The following BCL11A variants were observed in gnomAD, a reference collection of about 807,000 sequenced individuals.
The protein encoded by BCL11A is B cell CLL/lymphoma 11A.
BCL11A carries 2 observed loss-of-function variants against 55.9 expected under a neutral mutation model. The ratio of observed to expected loss-of-function variants is 0.04; its 90% CI spans 0.01 to 0.11. BCL11A has a LOEUF of 0.11. Among genes scored for constraint, BCL11A ranks in the 10% least tolerant of loss-of-function variants. The pLI is 1.00. For synonymous variants in BCL11A, 465 were observed against 473.4 expected (o/e 0.98, Z 0.23); for missense variants, 817 against 1,137.1 (o/e 0.72, Z 4.05).
intron 2 of BCL11A, among the ~76,000 whole-genome samples, chr2:60,477,612 G>T (rs546460267): frequency 3.3e-5 from 5 of 152,008 alleles, no homozygotes; most frequent in Non-Finnish European, 7.4e-5. Context: ...AATAAAGAAA[G>T]AAAGAAAGAA....
At chr2:60,531,898 G>A (rs1669473283) in intron 2 of BCL11A, among the ~76,000 whole-genome samples, 1 of 152,124 alleles carries the variant, frequency 6.6e-6, no homozygotes, top group African/African-American at 2.4e-5. Flanking sequence ...GACCCAGTGG[G>A]AAATAAGCCC....
intron 2 of BCL11A, among the ~76,000 whole-genome samples, chr2:60,510,425 C>G (rs926835420): frequency 6.6e-6 from 1 of 152,198 alleles, no homozygotes; most frequent in Non-Finnish European, 1.5e-5. Context: ...CCAACTTCCT[C>G]ACCTCTTTGG....
rs1209213676 is a variant in BCL11A, at chr2:60,459,638, A to G, written c.*766T>C. The stretch of plus-strand genomic sequence containing the variant: ...TGAATTAAGCTACAAGTTTATAACA[A>G]GTAGAAAGAACCATCGATGTGGTTT... On this transcript the variant is annotated 3_prime_UTR_variant, in exon 4 of 4. Coordinates refer to ENST00000642384, the MANE Select transcript of BCL11A (RefSeq NM_022893.4). 4 of 1,031,782 alleles carry G rather than the reference A, an allele frequency of 3.9e-6. No individual in the cohort carries two copies. The East Asian group carries it at 2.5e-4, about 63-fold the overall frequency. The allele number at this position is 1,031,782 out of a possible 1,614,324, so 63.9% of individuals were successfully genotyped here. A position where few individuals can be genotyped will look rare whatever the true frequency, so the allele number is the denominator to read the frequency against.
chr2:60,532,585 GA>G (rs993267056), intron 2 of BCL11A, among the ~76,000 whole-genome samples: 13 of 151,854 alleles, frequency 8.6e-5, no homozygotes, highest in African/African-American at 2.7e-4. Context: ...AAAAAGGAAA[GA>G]AAAAAAGAAA....
At chr2:60,469,280 T>C in intron 2 of BCL11A, among the ~76,000 whole-genome samples, 1 of 152,152 alleles carries the variant, frequency 6.6e-6, no homozygotes, top group East Asian at 1.9e-4. Flanking sequence ...AAAATGCTGA[T>C]AGGAAATGAG....
At chr2:60,538,601 G>C (rs1669772624) in intron 2 of BCL11A, 1 of 152,084 alleles carries the variant, frequency 6.6e-6, no homozygotes. Flanking sequence ...AAGCAATGTG[G>C]ACTCAAAAAT....
At chr2:60,484,466 C>A (rs559888374) in intron 2 of BCL11A, 2 of 152,318 alleles carry the variant, frequency 1.3e-5, no homozygotes, top group African/African-American at 4.8e-5. Context: ...TCAAAAACAG[C>A]CACATTCACC....
At chr2:60,490,815 A>G (rs760555698) in intron 2 of BCL11A, among the ~76,000 whole-genome samples, 8 of 152,220 alleles carry the variant, frequency 5.3e-5, no homozygotes, top group Non-Finnish European at 8.8e-5. Context: ...TAGCATATAA[A>G]TGACTGATTT....
chr2:60,486,303 T>C lies in BCL11A; in HGVS notation c.386-17470A>G, dbSNP rs1678271291. ...AGTGAGACACCAATCACAGCTCTAC[T>C]GGCCCACCTTGCCCCACCTCCAATT... On this transcript the variant is annotated intron_variant, in intron 2 of 3. Coordinates refer to ENST00000642384, the MANE Select transcript of BCL11A (RefSeq NM_022893.4). 2.6e-5 allele frequency among the ~76,000 whole-genome samples: 4 copies of C among 152,234 alleles called. No homozygotes were observed. The South Asian group carries it at 8.3e-4, about 32-fold the overall frequency.
chr2:60,539,798 G>A (rs1053062304), intron 2 of BCL11A, among the ~76,000 whole-genome samples: 3 of 152,092 alleles, frequency 2.0e-5, no homozygotes, highest in Admixed American at 2.0e-4. Context: ...CAATAATATG[G>A]TTCGTGCTCA....
chr2:60,460,168 GAAAAAA>G lies in BCL11A; in HGVS notation c.*230_*235del, dbSNP rs35238724. 9.2e-7 allele frequency: 1 copy of G among 1,088,230 alleles called. No individual in the cohort carries two copies. The highest frequency in any genetic ancestry group is 2.1e-5 in the African/African-American group (1 of 47,128). The allele number at this position is 1,088,230 out of a possible 1,614,324, so 67.4% of individuals were successfully genotyped here. ...GCATTCAAACGGTGAGAACATAAAG[GAAAAAA>G]AAAAAAAAGGAAAAAGAAAAAAGAA... On this transcript the variant is annotated 3_prime_UTR_variant, in exon 4 of 4. Coordinates refer to ENST00000642384, the MANE Select transcript of BCL11A (RefSeq NM_022893.4).
At chr2:60,521,909 A>C (rs1006016471) in intron 2 of BCL11A, among the ~76,000 whole-genome samples, 3 of 152,210 alleles carry the variant, frequency 2.0e-5, no homozygotes, top group Admixed American at 6.5e-5. Context: ...CTGTTCTTCC[A>C]GGAGAATGGG....
chr2:60,525,112 T>C (rs971808871), intron 2 of BCL11A: 7 of 152,222 alleles, frequency 4.6e-5, no homozygotes, highest in Non-Finnish European at 8.8e-5. Context: ...GCTATGTCCA[T>C]ACAGAGAAAC....
chr2:60,511,104 T>C (rs796775476), intron 2 of BCL11A, among the ~76,000 whole-genome samples: 9 of 152,310 alleles, frequency 5.9e-5, no homozygotes, highest in African/African-American at 2.2e-4. Context: ...TATCCAATAC[T>C]GTGCAGGGGC....
intron 2 of BCL11A, among the ~76,000 whole-genome samples, chr2:60,514,540 C>A (rs1668641891): frequency 6.7e-6 from 1 of 149,346 alleles, no homozygotes; most frequent in African/African-American, 2.5e-5. Context: ...TGATGGCATG[C>A]ACCTATAATC....
intron 2 of BCL11A, among the ~76,000 whole-genome samples, chr2:60,488,376 G>C (rs953029890): frequency 5.3e-5 from 8 of 152,200 alleles, no homozygotes; most frequent in Non-Finnish European, 8.8e-5. Flanking sequence ...GTTACAATTT[G>C]ACAGCATTTA....
intron 2 of BCL11A, among the ~76,000 whole-genome samples, chr2:60,482,740 T>G (rs1254283969): frequency 6.6e-6 from 1 of 152,244 alleles, no homozygotes; most frequent in East Asian, 1.9e-4. Context: ...TCAAAAATTC[T>G]ATTTTGAAGG....
downstream of BCL11A, chr2:60,452,506 G>A (rs763161073): frequency 1.9e-4 from 243 of 1,277,748 alleles, no homozygotes; most frequent in Middle Eastern, 3.4e-3. Flanking sequence ...AAACTAGCAG[G>A]ATGACAGACC....
At chr2:60,467,147 A>ATGGTGGTGGTGGTGGTGGTGG (rs200378268) in intron 3 of BCL11A, among the ~76,000 whole-genome samples, 3 of 45,026 alleles carry the variant, frequency 6.7e-5, no homozygotes, top group African/African-American at 1.4e-4. Flanking sequence ...GTTGGTGGTG[A>ATGGTGGTGGTGGTGGTGGTGG]TGGTGGTGGT....
Sources: allele counts gnomAD v4.1 joint callset (sites outside exome capture counted in the v4.1 genomes callset), GRCh38; gene constraint gnomAD v4.1.1; transcripts MANE v1.5; gene names NCBI Gene and HGNC (gene_info 2026-07-23, HGNC 2026-07-21).